Variants in NUBPL observed in about 807,000 individuals in gnomAD.
The protein encoded by NUBPL is NUBP iron-sulfur cluster assembly factor, mitochondrial, also known as iron-sulfur cluster transfer protein NUBPL.
Under a neutral mutation model 45.7 loss-of-function variants are expected in NUBPL, and 31 were observed. That is an observed-to-expected ratio of 0.68 (90% confidence interval 0.51 to 0.92). The LOEUF (loss-of-function observed/expected upper bound fraction) is 0.92. Among genes scored for constraint, NUBPL ranks in the 40% least tolerant of loss-of-function variants. The pLI is 0.00. For synonymous variants in NUBPL, 144 were observed against 140.9 expected, an observed-to-expected ratio of 1.02 and a Z score of -0.15; for missense variants, 401 against 398.7, an observed-to-expected ratio of 1.01 and a Z score of -0.05.
intron 4 of NUBPL, among the ~76,000 whole-genome samples, chr14:31,656,212 A>G (rs1321694428): frequency 1.3e-5 from 2 of 152,192 alleles, no homozygotes; most frequent in African/African-American, 4.8e-5. Flanking sequence ...TCTAGATTAC[A>G]TTCTGGGTTA....
At chr14:31,768,494 G>A (rs2038952749) in intron 6 of NUBPL, among the ~76,000 whole-genome samples, 1 of 152,146 alleles carries the variant, frequency 6.6e-6, no homozygotes, top group South Asian at 2.1e-4. Flanking sequence ...TTAAAAGTAT[G>A]CCATTTAGAA....
At chr14:31,793,869 A>C (rs2039433425) in intron 7 of NUBPL, among the ~76,000 whole-genome samples, 9 of 77,448 alleles carry the variant, frequency 1.2e-4, no homozygotes, top group Non-Finnish European at 1.6e-4. Flanking sequence ...TCCCAATGCT[A>C]TCCCTCCCCC....
intron 4 of NUBPL, among the ~76,000 whole-genome samples, chr14:31,636,058 T>G (rs1431623688): frequency 6.6e-6 from 1 of 151,332 alleles, no homozygotes; most frequent in Non-Finnish European, 1.5e-5. Flanking sequence ...TGACTTCCTC[T>G]TTTCCTAATT....
chr14:31,667,668 T>G (rs2036466870), intron 4 of NUBPL, among the ~76,000 whole-genome samples: 1 of 152,186 alleles, frequency 6.6e-6, no homozygotes, highest in South Asian at 2.1e-4. Context: ...TTGCGCTGGG[T>G]TTTCCTCATC....
At chr14:31,732,754 G>A (rs553993444) in intron 6 of NUBPL, among the ~76,000 whole-genome samples, 31 of 152,018 alleles carry the variant, frequency 2.0e-4, no homozygotes, top group African/African-American at 6.5e-4. Flanking sequence ...TGGGACTACA[G>A]GTGTGCGCCA....
intron 9 of NUBPL, among the ~76,000 whole-genome samples, chr14:31,847,227 C>T (rs2040467715): frequency 1.3e-5 from 2 of 152,306 alleles, no homozygotes; most frequent in South Asian, 4.1e-4. Context: ...GTGTACATCT[C>T]TCAGTAGAAA....
chr14:31,738,675 G>A (rs2038212662), intron 6 of NUBPL, among the ~76,000 whole-genome samples: 2 of 152,060 alleles, frequency 1.3e-5, no homozygotes, highest in Non-Finnish European at 2.9e-5. Flanking sequence ...CAACTACTGT[G>A]TTTTTTAACT....
In NUBPL at chr14:31,859,394, G is replaced by T. The variant is rs1264084621; in HGVS notation, c.*214G>T. On this transcript the variant is annotated 3_prime_UTR_variant, in exon 11 of 11. Coordinates refer to ENST00000281081, the MANE Select transcript of NUBPL (RefSeq NM_025152.3). ...ATATTTAGGAATTTTTTGAAAGCTG[G>T]TGTGTACCACCTGCAAAGAACTGCA... 2 of 573,192 alleles carry T rather than the reference G, an allele frequency of 3.5e-6. No individual in the cohort carries two copies. The highest frequency in any genetic ancestry group is 1.9e-5 in the African/African-American group (1 of 53,134). 35.5% of individuals were successfully genotyped at this position (573,192 alleles called of 1,614,324 possible).
chr14:31,648,003 GTTTTATAGCCATAAGT>G (rs2035902244), intron 4 of NUBPL, among the ~76,000 whole-genome samples: 2 of 152,190 alleles, frequency 1.3e-5, no homozygotes, highest in South Asian at 4.1e-4. Flanking sequence ...AAAACAATCT[GTTTTATAGCCATAAGT>G]TATAGTATAC....
rs116299230 is a variant in NUBPL at position 31,799,365 on chromosome 14, G to C, written c.607+11492G>C. On this transcript the variant is annotated intron_variant, in intron 7 of 10. Coordinates refer to ENST00000281081, the MANE Select transcript of NUBPL (RefSeq NM_025152.3). ...TGGAGTTAAGTTCTCCACAAGTAAGGGTAGATAATCAGAAAGATATTTAGT... is the reference window on the plus strand; with the variant it reads ...TGGAGTTAAGTTCTCCACAAGTAAGCGTAGATAATCAGAAAGATATTTAGT... Among the ~76,000 whole-genome samples the C allele has an allele frequency of 4.7e-3, 712 of 152,114 alleles. 6 individuals are homozygous for C. The highest frequency in any genetic ancestry group is 0.016 in the African/African-American group (681 of 41,494).
intron 4 of NUBPL, among the ~76,000 whole-genome samples, chr14:31,667,398 A>G (rs966639188): frequency 6.6e-6 from 1 of 152,002 alleles, no homozygotes; most frequent in African/African-American, 2.4e-5. Flanking sequence ...TTTCAGCACC[A>G]TCAGGTCATT....
At chr14:31,564,989 C>T in intron 2 of NUBPL, 25 bp from the exon 3 acceptor site, 1 of 1,410,858 alleles carries the variant, frequency 7.1e-7, no homozygotes, top group South Asian at 1.3e-5. Flanking sequence ...TTACTAAATT[C>T]AATTACTTTT....
At chr14:31,561,590 C>G (rs1191803952) in intron 1 of NUBPL, 43 bp downstream of exon 1, 1 of 1,260,780 alleles carries the variant, frequency 7.9e-7, no homozygotes, top group Non-Finnish European at 1.0e-6. Context: ...CTGACAGATG[C>G]TGGGCTGCAG....
chr14:31,577,634 G>A (rs758546119), intron 3 of NUBPL, among the ~76,000 whole-genome samples: 2 of 152,122 alleles, frequency 1.3e-5, no homozygotes, highest in South Asian at 2.1e-4. Context: ...GGCTGGTCTC[G>A]AACTCCTGAC....
At chr14:31,682,506 T>C (rs1304392300) in intron 6 of NUBPL, among the ~76,000 whole-genome samples, 1 of 152,218 alleles carries the variant, frequency 6.6e-6, no homozygotes, top group Non-Finnish European at 1.5e-5. Flanking sequence ...TTAGTTTATT[T>C]ACATTTAGTA....
At chr14:31,669,688 C>A (rs1057497235) in intron 4 of NUBPL, among the ~76,000 whole-genome samples, 3 of 151,742 alleles carry the variant, frequency 2.0e-5, no homozygotes, top group Non-Finnish European at 4.4e-5. Flanking sequence ...TCATTTAGTT[C>A]CCACTTGTAA....
chr14:31,728,922 A>G (rs2037984981), intron 6 of NUBPL, among the ~76,000 whole-genome samples: 1 of 152,230 alleles, frequency 6.6e-6, no homozygotes, highest in Non-Finnish European at 1.5e-5. Context: ...AGAACTTCAA[A>G]CAAAATTGAA....
chr14:31,750,172 A>G (rs1008686956), intron 6 of NUBPL, among the ~76,000 whole-genome samples: 44 of 51,320 alleles, frequency 8.6e-4, no homozygotes, highest in African/African-American at 1.8e-3. Flanking sequence ...TACAATCATT[A>G]TTATTATTTT....
At chr14:31,685,803 A>G (rs558433224) in intron 6 of NUBPL, among the ~76,000 whole-genome samples, 1 of 152,230 alleles carries the variant, frequency 6.6e-6, no homozygotes, top group African/African-American at 2.4e-5. Context: ...CATTTATTCA[A>G]TAGAGCAGTG....
Sources: allele counts gnomAD v4.1 joint callset (sites outside exome capture counted in the v4.1 genomes callset), GRCh38; gene constraint gnomAD v4.1.1; transcripts MANE v1.5; gene names NCBI Gene and HGNC (gene_info 2026-07-23, HGNC 2026-07-21).